PSG11: variants seen among roughly 807,000 people sequenced by gnomAD.
PSG11 encodes the protein pregnancy-specific beta-1-glycoprotein 11.
PSG11 carries 42 observed loss-of-function variants against 36.0 expected under a neutral mutation model. The observed-to-expected ratio is 1.17, with a 90% CI of 0.91 to 1.51. The LOEUF (loss-of-function observed/expected upper bound fraction) is 1.51. PSG11 is among the 40% of genes most tolerant of loss of function. The pLI, the probability that PSG11 is intolerant of heterozygous loss-of-function variation, is 0.00. For synonymous variants in PSG11, 206 were observed against 153.5 expected, an observed-to-expected ratio of 1.34 and a Z score of -2.53; for missense variants, 558 against 403.5, an observed-to-expected ratio of 1.38 and a Z score of -3.28.
intron 1 of PSG11, among the ~76,000 whole-genome samples, chr19:43,025,679 T>G (rs1967228870): frequency 6.9e-6 from 1 of 145,718 alleles, no homozygotes; most frequent in African/African-American, 2.6e-5. Context: ...CCCCAATTGT[T>G]GAGGTTTTTT....
At chr19:43,022,533 T>C (rs577477689) in intron 2 of PSG11, among the ~76,000 whole-genome samples, 9 of 151,454 alleles carry the variant, frequency 5.9e-5, no homozygotes, top group Non-Finnish European at 1.3e-4. Flanking sequence ...TAAACCTCTG[T>C]CCTCCTGTTT....
intron 2 of PSG11, among the ~76,000 whole-genome samples, chr19:43,021,938 A>C (rs941135898): frequency 1.3e-5 from 2 of 151,510 alleles, no homozygotes; most frequent in African/African-American, 2.4e-5. Flanking sequence ...GGCTGACTCC[A>C]TCTGGCATCT....
At chr19:43,016,085 C>A (rs1190222235) in intron 3 of PSG11, 1 of 1,574,868 alleles carries the variant, frequency 6.3e-7, no homozygotes, top group Non-Finnish European at 8.6e-7. Context: ...TGTGTGGCAC[C>A]TTTGATTCCT....
intron 1 of PSG11, 63 bp downstream of exon 1, chr19:43,026,246 G>T (rs1967252111): frequency 1.2e-6 from 2 of 1,601,214 alleles, no homozygotes; most frequent in Admixed American, 1.7e-5. Context: ...AGCCTCTCCA[G>T]GAGACCCCAT....
rs571635873 is a variant in PSG11 at position 43,010,126 on chromosome 19, A to G, written c.965-85T>C. 15 of 1,527,964 alleles carry G rather than the reference A, an allele frequency of 9.8e-6. 1 individual carries two copies. The highest frequency in any genetic ancestry group is 8.3e-5 in the South Asian group (7 of 84,262). The allele number at this position is 1,527,964 out of a possible 1,614,324, so 94.7% of individuals were successfully genotyped here. A position where few individuals can be genotyped will look rare whatever the true frequency, so the allele number is the denominator to read the frequency against. ...GTCAGGAACAAGCATGTAACATGAG[A>G]TACTGTATAATTGTTTCTTCAAGGA... On this transcript the variant is annotated intron_variant, in intron 4 of 5. Coordinates refer to ENST00000320078, the MANE Select transcript of PSG11 (RefSeq NM_002785.3).
At position 43,009,970 on chromosome 19, in the gene PSG11, C is replaced by T. The variant is rs1568484662; in HGVS notation, c.*28G>A. The T allele has an allele frequency of 1.3e-6, 2 of 1,596,754 alleles. No individual in the cohort carries two copies. The highest frequency in any genetic ancestry group is 1.7e-5 in the Admixed American group (1 of 59,770). ...AAGGTCATCATACCTGCCAGTCTTC[C>T]TGAAATACAAAAATGACATCACGGC... On this transcript the variant is annotated 3_prime_UTR_variant, in exon 5 of 6. Coordinates refer to ENST00000320078, the MANE Select transcript of PSG11 (RefSeq NM_002785.3).
chr19:43,016,116 G>C, intron 3 of PSG11: 1 of 1,539,084 alleles, frequency 6.5e-7, no homozygotes, highest in Non-Finnish European at 8.8e-7. Context: ...CCTTCAATCA[G>C]AGTTGGCATC....
intron 2 of PSG11, chr19:43,019,283 G>A (rs1228268101): frequency 8.2e-5 from 75 of 914,714 alleles, no homozygotes; most frequent in Non-Finnish European, 9.6e-5. Context: ...TTGAGCAGCA[G>A]CATTGGGTCA....
intron 2 of PSG11, chr19:43,024,475 T>C (rs1967185947): frequency 7.3e-6 from 5 of 685,956 alleles, no homozygotes; most frequent in Non-Finnish European, 1.2e-5. Flanking sequence ...GTCCTTCCTC[T>C]GCAGCGAGTG....
At position 43,018,590 on chromosome 19, in the gene PSG11, C is replaced by G. The variant is rs949902528; in HGVS notation, c.709+180G>C. On this transcript the variant is annotated intron_variant, in intron 3 of 5. Transcript: ENST00000320078. ...CCATGACAGGAGCAGCCTCTTTTCT[C>G]CCACTGTGGATCAAGCCTAGGCCTA... 55 of 1,418,152 alleles carry G rather than the reference C, an allele frequency of 3.9e-5. 1 individual carries two copies. Among genetic ancestry groups the G allele is most frequent in the Non-Finnish European group, 5.2e-5 (54 of 1,031,256 alleles). 87.8% of individuals were successfully genotyped at this position (1,418,152 alleles called of 1,614,324 possible).
intron 4 of PSG11, among the ~76,000 whole-genome samples, chr19:43,011,759 C>G (rs1208600295): frequency 6.6e-6 from 1 of 150,756 alleles, no homozygotes; most frequent in Non-Finnish European, 1.5e-5. Context: ...CGCATGGTGA[C>G]ATGCACCTGT....
chr19:43,008,255 T>A (rs1038842570), intron 5 of PSG11: 1 of 184,034 alleles, frequency 5.4e-6, no homozygotes, highest in Admixed American at 6.2e-5. Context: ...AAATTTCATA[T>A]AATTTTTAGA....
chr19:43,018,788 C>A lies in PSG11; in HGVS notation c.691G>T (p.Val231Phe), dbSNP rs1354875566. 2.5e-6 allele frequency: 4 copies of A among 1,612,026 alleles called. No homozygotes were observed. Among genetic ancestry groups the A allele is most frequent in the South Asian group, 2.2e-5 (2 of 90,844 alleles). ...NSGSASRSDP[V>F]TLNLLHGPDL... ...TACTCACGGAGGAGATTCAGGGTGA[C>A]TGGGTCACTGCGGCTGGCACTCCCT... The change falls in exon 3 of 6, where the codon GTC becomes TTC. Residue 231 changes from valine (V) to phenylalanine (F), a missense_variant. Physicochemically the swap from Val to Phe is conservative, Grantham distance 50. Coordinates refer to ENST00000320078, the MANE Select transcript of PSG11 (RefSeq NM_002785.3).
chr19:43,018,650 C>G (rs1967025355), intron 3 of PSG11, 120 bp downstream of exon 3: 25 of 1,596,970 alleles, frequency 1.6e-5, no homozygotes, highest in Middle Eastern at 1.8e-4. Flanking sequence ...TCATGGCCAG[C>G]TTTGATGTCC....
chr19:43,009,829 G>T lies in PSG11; in HGVS notation c.*40+129C>A, dbSNP rs538343862. The stretch of plus-strand genomic sequence containing the variant: ...GAGAAAGGGAACTGCAGGAATTAGT[G>T]CTGAGAAGCAGGAGTTAGTGGATGA... On this transcript the variant is annotated intron_variant, in intron 5 of 5. Coordinates refer to ENST00000320078, the MANE Select transcript of PSG11 (RefSeq NM_002785.3). 6 of 717,850 alleles carry T rather than the reference G, an allele frequency of 8.4e-6. 1 individual carries two copies. The highest frequency in any genetic ancestry group is 2.6e-5 in the East Asian group (1 of 38,018). The allele number at this position is 717,850 out of a possible 1,614,324, so 44.5% of individuals were successfully genotyped here. A position where few individuals can be genotyped will look rare whatever the true frequency, so the allele number is the denominator to read the frequency against.
At chr19:43,016,769 T>C (rs1209307148) in intron 3 of PSG11, among the ~76,000 whole-genome samples, 1 of 151,542 alleles carries the variant, frequency 6.6e-6, no homozygotes. Context: ...CAGAACCATG[T>C]TCCCTGTCCT....
At chr19:43,016,393 G>A (rs973200909) in intron 3 of PSG11, among the ~76,000 whole-genome samples, 17 of 151,130 alleles carry the variant, frequency 1.1e-4, no homozygotes, top group African/African-American at 3.9e-4. Context: ...CCTGGAATGT[G>A]CAACTGCTGG....
chr19:43,018,693 G>A (rs1967026400), intron 3 of PSG11, 77 bp downstream of exon 3: 2 of 1,609,954 alleles, frequency 1.2e-6, no homozygotes, highest in Non-Finnish European at 1.7e-6. Context: ...GGACCTGAGA[G>A]GGACTGAGAG....
At chr19:43,020,732 C>G (rs535197889) in intron 2 of PSG11, among the ~76,000 whole-genome samples, 2 of 151,268 alleles carry the variant, frequency 1.3e-5, no homozygotes, top group African/African-American at 4.9e-5. Context: ...CAGAACTGGT[C>G]AGTGCATCAA....
Sources: gnomAD v4.1 joint callset for allele counts (sites outside exome capture counted in the v4.1 genomes callset) on GRCh38, gnomAD v4.1.1 for gene constraint, MANE v1.5 for transcripts, NCBI Gene and HGNC (gene_info 2026-07-23, HGNC 2026-07-21) for gene names.